PRELID2: variants seen among roughly 807,000 people sequenced by gnomAD.
PRELID2 encodes PRELI domain containing 2.
In PRELID2, 25 loss-of-function variants were observed where a neutral mutation model predicts 28.4. The ratio of observed to expected loss-of-function variants is 0.88; its 90% CI spans 0.64 to 1.23. The LOEUF is 1.23. Ranked by LOEUF, PRELID2 falls within the 50% of genes most tolerant of loss-of-function variation. The pLI is 0.00. For missense variants in PRELID2, 201 were observed against 214.4 expected (o/e 0.94, Z 0.39); for synonymous variants, 76 against 71.6 (o/e 1.06, Z -0.31).
At chr5:145,405,004 C>T in the PRELID2 span, among the ~76,000 whole-genome samples, 1 of 152,018 alleles carries the variant, frequency 6.6e-6, no homozygotes, top group Non-Finnish European at 1.5e-5. Flanking sequence ...GTTTTAAACA[C>T]TGGGGCTCCA....
At chr5:145,288,605 T>C in the PRELID2 span, among the ~76,000 whole-genome samples, 1 of 152,146 alleles carries the variant, frequency 6.6e-6, no homozygotes, top group Non-Finnish European at 1.5e-5. Flanking sequence ...GGTGTGCTGG[T>C]TGCTACTGAG....
the PRELID2 span, among the ~76,000 whole-genome samples, chr5:145,348,067 A>G: frequency 6.6e-6 from 1 of 152,290 alleles, no homozygotes; most frequent in South Asian, 2.1e-4. Flanking sequence ...GAAGCAATAA[A>G]CAGGCAATTT....
the PRELID2 span, among the ~76,000 whole-genome samples, chr5:145,252,568 C>T: frequency 6.6e-6 from 1 of 152,016 alleles, no homozygotes; most frequent in South Asian, 2.1e-4. Context: ...AAATGTTTGT[C>T]TTTGTATTGT....
the PRELID2 span, among the ~76,000 whole-genome samples, chr5:145,340,084 A>AC: frequency 6.6e-6 from 1 of 152,138 alleles, no homozygotes; most frequent in Admixed American, 6.5e-5. Flanking sequence ...TACCATAGCC[A>AC]GCACCTGAAT....
At chr5:145,416,948 T>A in the PRELID2 span, among the ~76,000 whole-genome samples, 3 of 151,762 alleles carry the variant, frequency 2.0e-5, no homozygotes. Context: ...GTTAGTTACA[T>A]CCTAGATAAA....
intron 1 of PRELID2, among the ~76,000 whole-genome samples, chr5:145,693,860 G>T (rs974884203): frequency 2.6e-5 from 4 of 152,226 alleles, no homozygotes; most frequent in African/African-American, 9.6e-5. Flanking sequence ...AATGATGTTG[G>T]AGAAGAATAT....
chr5:145,714,420 T>C (rs561133135), intron 1 of PRELID2, among the ~76,000 whole-genome samples: 1 of 152,230 alleles, frequency 6.6e-6, no homozygotes, highest in Non-Finnish European at 1.5e-5. Flanking sequence ...CCCTGAAGTA[T>C]CTTCCCTCCA....
chr5:145,819,424 G>C, intron 3 of PRELID2: 1 of 1,579,678 alleles, frequency 6.3e-7, no homozygotes, highest in Non-Finnish European at 8.7e-7. Flanking sequence ...ACTTCAAAGA[G>C]AGAAAACAAT....
chr5:145,746,326 C>A (rs549411557), intron 1 of PRELID2, among the ~76,000 whole-genome samples: 1 of 151,994 alleles, frequency 6.6e-6, no homozygotes, highest in East Asian at 1.9e-4. Context: ...GGAAAATTTA[C>A]CAAGAAAATG....
At chr5:145,643,841 C>T (rs1056660456) in intron 1 of PRELID2, among the ~76,000 whole-genome samples, 1 of 152,140 alleles carries the variant, frequency 6.6e-6, no homozygotes, top group African/African-American at 2.4e-5. Context: ...GTTGGACCAG[C>T]CTTGCATCTC....
chr5:145,656,487 G>C (rs976084775), intron 1 of PRELID2, among the ~76,000 whole-genome samples: 4 of 152,062 alleles, frequency 2.6e-5, no homozygotes, highest in Admixed American at 2.6e-4. Flanking sequence ...CAGTAGCAAA[G>C]ACTTGGAACC....
chr5:145,685,895 C>G (rs537908036), intron 1 of PRELID2, among the ~76,000 whole-genome samples: 1 of 152,172 alleles, frequency 6.6e-6, no homozygotes, highest in Non-Finnish European at 1.5e-5. Context: ...TGTGAGGAAT[C>G]TCCTCCAAGA....
chr5:145,740,922 A>C (rs1306024384), intron 1 of PRELID2, among the ~76,000 whole-genome samples: 1 of 44,822 alleles, frequency 2.2e-5, no homozygotes, highest in Non-Finnish European at 5.5e-5. Context: ...ACATATATTT[A>C]TCGATAAATA....
At chr5:145,454,107 CA>C in the PRELID2 span, among the ~76,000 whole-genome samples, 3 of 152,160 alleles carry the variant, frequency 2.0e-5, no homozygotes, top group Admixed American at 6.5e-5. Flanking sequence ...CCTATTTCTC[CA>C]CATCCTCTCC....
chr5:145,338,031 A>C, the PRELID2 span: 4 of 152,198 alleles, frequency 2.6e-5, no homozygotes, highest in Admixed American at 2.0e-4. Flanking sequence ...AAAAGAGAGA[A>C]CATCTGTTTC....
chr5:145,237,658 C>T, the PRELID2 span, among the ~76,000 whole-genome samples: 1 of 152,084 alleles, frequency 6.6e-6, no homozygotes, highest in Admixed American at 6.6e-5. Flanking sequence ...CATCATCTTT[C>T]CTGGTTCCTT....
chr5:145,758,779 A>G lies in PRELID2; in HGVS notation c.*1757T>C, dbSNP rs904598438. Among the ~76,000 whole-genome samples the G allele has an allele frequency of 9.9e-5, 15 of 152,178 alleles. No individual in the cohort carries two copies. Among genetic ancestry groups the G allele is most frequent in the African/African-American group, 3.6e-4 (15 of 41,452 alleles). ...AGTTTCTACCATTATTTTTCCCTCCAACACAATTGAAGAATGAAACACTAT... is the reference window on the plus strand; with the variant it reads ...AGTTTCTACCATTATTTTTCCCTCCGACACAATTGAAGAATGAAACACTAT... On this transcript the variant is annotated 3_prime_UTR_variant, in exon 7 of 7. Transcript: ENST00000683046.
chr5:145,789,152 A>C (rs1221567727), intron 5 of PRELID2, among the ~76,000 whole-genome samples: 1 of 152,240 alleles, frequency 6.6e-6, no homozygotes, highest in Non-Finnish European at 1.5e-5. Flanking sequence ...AAGCAATTCT[A>C]AAATTCACAT....
chr5:145,575,158 C>T (rs922078888), intron 1 of PRELID2, among the ~76,000 whole-genome samples: 16 of 152,174 alleles, frequency 1.1e-4, no homozygotes, highest in Non-Finnish European at 2.1e-4. Context: ...AGGGCAAACG[C>T]TTCTTCTATA....
Sources: allele counts gnomAD v4.1 joint callset (sites outside exome capture counted in the v4.1 genomes callset), GRCh38; gene constraint gnomAD v4.1.1; transcripts MANE v1.5; gene names NCBI Gene and HGNC (gene_info 2026-07-23, HGNC 2026-07-21).